SGPP2: variants seen among roughly 807,000 people sequenced by gnomAD.
SGPP2 encodes the protein sphingosine-1-phosphate phosphatase 2, also known as sphingosine 1-phosphate phosphohydrolase 2.
Under a neutral mutation model 33.9 loss-of-function variants are expected in SGPP2, and 30 were observed. The observed-to-expected ratio is 0.89, with a 90% confidence interval of 0.66 to 1.20. The LOEUF (loss-of-function observed/expected upper bound fraction) is 1.20. SGPP2 is among the 50% of genes most tolerant of loss of function. The pLI is 0.00. For synonymous variants in SGPP2, 233 were observed against 225.0 expected (o/e 1.04, Z -0.32); for missense variants, 458 against 532.1 (o/e 0.86, Z 1.37).
chr2:222,557,384 T>A (rs1453393138), intron 4 of SGPP2, among the ~76,000 whole-genome samples: 1 of 152,212 alleles, frequency 6.6e-6, no homozygotes, highest in African/African-American at 2.4e-5. Context: ...TAGTGATTAT[T>A]TCTAAGATCT....
intron 1 of SGPP2, among the ~76,000 whole-genome samples, chr2:222,438,422 G>A (rs544476294): frequency 6.6e-6 from 1 of 152,210 alleles, no homozygotes; most frequent in Admixed American, 6.5e-5. Context: ...AGCGATCAAG[G>A]TCTCTCCAAA....
At chr2:222,518,179 A>G (rs987768126) in intron 2 of SGPP2, among the ~76,000 whole-genome samples, 8 of 152,244 alleles carry the variant, frequency 5.3e-5, no homozygotes, top group African/African-American at 1.7e-4. Context: ...CTGTGATCAC[A>G]GTCATTGTTA....
chr2:222,437,800 G>A (rs544852236), intron 1 of SGPP2, among the ~76,000 whole-genome samples: 13 of 152,306 alleles, frequency 8.5e-5, no homozygotes, highest in African/African-American at 3.1e-4. Context: ...CAGGCCAAGA[G>A]CTGTCTCTCA....
At chr2:222,497,116 A>G (rs974769830) in intron 2 of SGPP2, among the ~76,000 whole-genome samples, 1 of 152,158 alleles carries the variant, frequency 6.6e-6, no homozygotes, top group Non-Finnish European at 1.5e-5. Flanking sequence ...TTGGGAAACA[A>G]ATTTGGCCAA....
intron 1 of SGPP2, among the ~76,000 whole-genome samples, chr2:222,467,557 G>A (rs1401601306): frequency 6.6e-6 from 1 of 152,066 alleles, no homozygotes; most frequent in African/African-American, 2.4e-5. Flanking sequence ...GAGACACTTT[G>A]CCTCTAGCAT....
chr2:222,431,667 G>T (rs562879045), intron 1 of SGPP2, among the ~76,000 whole-genome samples: 1 of 152,184 alleles, frequency 6.6e-6, no homozygotes, highest in Non-Finnish European at 1.5e-5. Context: ...TAGGGTTCGG[G>T]TAACCCCAGA....
At chr2:222,533,796 T>A (rs924827599) in intron 4 of SGPP2, among the ~76,000 whole-genome samples, 266 of 152,084 alleles carry the variant, frequency 1.7e-3, no homozygotes, top group Admixed American at 5.7e-3. Flanking sequence ...TTTATTTTTT[T>A]TTTTTTTCTA....
At chr2:222,424,504 G>T (rs371982679), upstream of SGPP2, 1 of 863,326 alleles carries the variant, frequency 1.2e-6, no homozygotes, top group Non-Finnish European at 1.5e-6. Flanking sequence ...GCCTCCGCCC[G>T]GAGTGCGGGA....
chr2:222,520,653 C>T (rs1299455072), intron 2 of SGPP2, among the ~76,000 whole-genome samples: 1 of 147,826 alleles, frequency 6.8e-6, no homozygotes, highest in African/African-American at 2.5e-5. Context: ...TTGCTTGAAC[C>T]TGGGAGGCAG....
chr2:222,494,879 C>T (rs1047350077), intron 2 of SGPP2, among the ~76,000 whole-genome samples: 2 of 152,164 alleles, frequency 1.3e-5, no homozygotes, highest in African/African-American at 4.8e-5. Context: ...ATTAGTCTCT[C>T]AGAAAGTTTC....
chr2:222,474,813 T>TA, intron 2 of SGPP2, 87 bp downstream of exon 2: 13 of 925,424 alleles, frequency 1.4e-5, no homozygotes, highest in Non-Finnish European at 1.9e-5. Context: ...ATATGTTCTT[T>TA]CTTTTTTTTT....
At chr2:222,441,749 A>G (rs759235103) in intron 1 of SGPP2, among the ~76,000 whole-genome samples, 2 of 152,306 alleles carry the variant, frequency 1.3e-5, no homozygotes, top group Non-Finnish European at 1.5e-5. Context: ...TTCTAAGGAC[A>G]TTTTATACTT....
intron 2 of SGPP2, among the ~76,000 whole-genome samples, chr2:222,510,042 ACTTT>A (rs889654448): frequency 6.6e-6 from 1 of 152,212 alleles, no homozygotes; most frequent in Non-Finnish European, 1.5e-5. Flanking sequence ...GTTCACCAGT[ACTTT>A]CTTTCTTTCT....
chr2:222,431,206 T>G (rs555522596), intron 1 of SGPP2, among the ~76,000 whole-genome samples: 3 of 151,098 alleles, frequency 2.0e-5, no homozygotes, highest in Admixed American at 6.6e-5. Flanking sequence ...AAAAAAAGTC[T>G]ATTTAGGCCA....
intron 4 of SGPP2, among the ~76,000 whole-genome samples, chr2:222,545,120 G>A (rs1387237058): frequency 6.6e-6 from 1 of 152,116 alleles, no homozygotes; most frequent in African/African-American, 2.4e-5. Context: ...AAAGATTTTA[G>A]ACTTTACTGC....
chr2:222,512,252 C>T (rs1416990442), intron 2 of SGPP2, among the ~76,000 whole-genome samples: 3 of 152,124 alleles, frequency 2.0e-5, no homozygotes, highest in Admixed American at 6.5e-5. Context: ...ACCTCGTGAT[C>T]CGCCTGCCTC....
At chr2:222,467,018 A>G (rs1697756773) in intron 1 of SGPP2, among the ~76,000 whole-genome samples, 1 of 152,062 alleles carries the variant, frequency 6.6e-6, no homozygotes, top group Non-Finnish European at 1.5e-5. Flanking sequence ...CCTGGATCAC[A>G]TTACTTACTC....
intron 4 of SGPP2, among the ~76,000 whole-genome samples, chr2:222,547,423 A>G (rs1301175425): frequency 6.6e-6 from 1 of 152,204 alleles, no homozygotes; most frequent in Non-Finnish European, 1.5e-5. Context: ...TATGTGAATT[A>G]TGGGTGGGGA....
intron 2 of SGPP2, among the ~76,000 whole-genome samples, chr2:222,475,814 C>G (rs1295879379): frequency 6.6e-6 from 1 of 152,198 alleles, no homozygotes; most frequent in African/African-American, 2.4e-5. Flanking sequence ...TCAGAGAGGC[C>G]TGAGCTCAAG....
Sources: gnomAD v4.1 joint callset for allele counts (sites outside exome capture counted in the v4.1 genomes callset) on GRCh38, gnomAD v4.1.1 for gene constraint, MANE v1.5 for transcripts, NCBI Gene and HGNC (gene_info 2026-07-23, HGNC 2026-07-21) for gene names.